Variants in UTP14A observed in about 807,000 individuals in gnomAD.
UTP14A encodes U3 small nucleolar RNA-associated protein 14 homolog A.
Under a neutral mutation model 57.2 loss-of-function variants are expected in UTP14A, and 5 were observed. The ratio of observed to expected loss-of-function variants is 0.09; its 90% CI spans 0.05 to 0.18. UTP14A has a LOEUF of 0.18. Among genes scored for constraint, UTP14A ranks in the 10% least tolerant of loss-of-function variants. The pLI, the probability that UTP14A is intolerant of heterozygous loss-of-function variation, is 1.00. For missense variants in UTP14A, 430 were observed against 562.1 expected (o/e 0.76, Z 2.38); for synonymous variants, 169 against 210.9 (o/e 0.80, Z 1.72).
intron 8 of UTP14A, 99 bp downstream of exon 8, chrX:129,919,588 G>A: frequency 1.1e-6 from 1 of 946,895 alleles, no homozygotes; most frequent in Middle Eastern, 2.7e-4. Context: ...AGCAACTAGA[G>A]TCATGCAGAT....
intron 14 of UTP14A, among the ~76,000 whole-genome samples, chrX:129,927,124 G>T (rs957080405): frequency 9.0e-6 from 1 of 111,250 alleles, no homozygotes; most frequent in Non-Finnish European, 1.9e-5. Context: ...CAGGTGATGG[G>T]TAGAGTATGG....
In UTP14A at chrX:129,911,040, C is replaced by T. The variant is rs371478707; in HGVS notation, c.271C>T (p.Leu91Phe). 5.8e-6 allele frequency: 7 copies of T among 1,211,645 alleles called. No individual in the cohort carries two copies. The highest frequency in any genetic ancestry group is 6.7e-6 in the Non-Finnish European group (6 of 895,533). Residue 91 changes from leucine to phenylalanine, a missense_variant, in exon 5 of 15, where the codon CTT becomes TTT. Leu to Phe is a conservative substitution (Grantham distance 22). Around this residue, in one of 4 missense-constraint regions of UTP14A, gnomAD observed 145 missense variants for 153.5 expected, o/e 0.94. Coordinates refer to ENST00000394422, the MANE Select transcript of UTP14A (RefSeq NM_006649.4). ...SGEKLVLADLLEPVKTSSSLA... is the reference protein window; with the variant it reads ...SGEKLVLADLFEPVKTSSSLA... ...AGAAAAGCTGGTCCTTGCAGATCTG[C>T]TTGAGCCTGTTAAAACTTCATCTTC...
chrX:129,913,935 T>C (rs1477092223), intron 6 of UTP14A, among the ~76,000 whole-genome samples: 1 of 111,302 alleles, frequency 9.0e-6, no homozygotes, highest in Non-Finnish European at 1.9e-5. Flanking sequence ...GAGCCGAGAT[T>C]GTGCCACTGC....
chrX:129,916,467 A>C (rs1434522487), intron 6 of UTP14A, among the ~76,000 whole-genome samples: 4 of 111,368 alleles, frequency 3.6e-5, no homozygotes, highest in African/African-American at 1.3e-4. Flanking sequence ...TTAGGTTGGA[A>C]ACCTCAGTCA....
In UTP14A at chrX:129,908,685, G is replaced by A; in HGVS notation, c.189G>A (p.Glu63=). ...LDGKNRRKLA[E]RSEASLKVSE... ...CTAATTTCAGGCGGAAATTGGCTGAGAGGTCTGAGGCTAGTCTGAAGGTGT... is the reference window on the plus strand; with the variant it reads ...CTAATTTCAGGCGGAAATTGGCTGAAAGGTCTGAGGCTAGTCTGAAGGTGT... Residue 63 remains glutamate, a synonymous_variant, in exon 4 of 15, where the codon GAG becomes GAA. Coordinates refer to ENST00000394422, the MANE Select transcript of UTP14A (RefSeq NM_006649.4). 5.8e-6 allele frequency: 7 copies of A among 1,211,469 alleles called. No individual in the cohort carries two copies. The highest frequency in any genetic ancestry group is 7.8e-6 in the Non-Finnish European group (7 of 895,239).
In UTP14A at chrX:129,921,663, A is replaced by G. The variant is rs1158763623; in HGVS notation, c.1348+76A>G. 4.7e-6 allele frequency: 5 copies of G among 1,068,005 alleles called. No individual in the cohort carries two copies. In the Admixed American group the frequency reaches 1.3e-4, roughly 27 times the overall value. 88.0% of individuals were successfully genotyped at this position (1,068,005 alleles called of 1,213,427 possible). A position where few individuals can be genotyped will look rare whatever the true frequency, so the allele number is the denominator to read the frequency against. On this transcript the variant is annotated intron_variant, in intron 11 of 14. Transcript: ENST00000394422. ...TATGGGAGAAAAAAAAAATGTGTCC[A>G]CCCACACACAAAACTGCATAGTGAT...
chrX:129,908,829 T>C (rs376950616), intron 4 of UTP14A, 95 bp downstream of exon 4: 2 of 840,923 alleles, frequency 2.4e-6, no homozygotes, highest in South Asian at 2.1e-5. Flanking sequence ...GTTTTTGATG[T>C]GGTTAATGAC....
At position 129,921,522 on chromosome X, in the gene UTP14A, G is replaced by A. The variant is rs1929912796; in HGVS notation, c.1283G>A (p.Arg428Gln). ...EILLREFEERRSLRKRSELSQ... is the reference protein window; with the variant it reads ...EILLREFEERQSLRKRSELSQ... ...TTGTTGAGAGAATTTGAGGAAAGGC[G>A]ATCCCTTAGAAAAAGATCTGAGCTC... The change falls in exon 11 of 15, where the codon CGA becomes CAA. Residue 428 changes from arginine (R) to glutamine (Q), a missense_variant. Physicochemically the swap from Arg to Gln is conservative, Grantham distance 43. Coordinates refer to ENST00000394422, the MANE Select transcript of UTP14A (RefSeq NM_006649.4). 1.7e-6 allele frequency: 2 copies of A among 1,211,255 alleles called. No individual in the cohort carries two copies. Among genetic ancestry groups the A allele is most frequent in the African/African-American group, 1.7e-5 (1 of 57,637 alleles).
intron 14 of UTP14A, among the ~76,000 whole-genome samples, chrX:129,927,175 G>GT (rs1345057809): frequency 1.8e-5 from 2 of 110,831 alleles, no homozygotes; most frequent in Non-Finnish European, 3.8e-5. Flanking sequence ...GGGTCTGTTT[G>GT]TTTTTTTAAT....
chrX:129,911,214 A>G (rs946663477), intron 5 of UTP14A, 64 bp downstream of exon 5: 1 of 1,126,014 alleles, frequency 8.9e-7, no homozygotes, highest in Admixed American at 2.7e-5. Context: ...AAAATAGGGT[A>G]ATAGAAAGAA....
In UTP14A at chrX:129,919,451, G is replaced by A; in HGVS notation, c.714G>A (p.Glu238=). ...CTCGGGCTCTGCAGTCCTACTATGA[G>A]GCCAAGGCTCGAAGAGAGAAGAAAA... ...QRARALQSYY[E]AKARREKKIK... The change falls in exon 8 of 15, where the codon GAG becomes GAA. Residue 238 remains glutamate, a synonymous_variant. Transcript: ENST00000394422. 1 of 1,211,990 alleles carries A rather than the reference G, an allele frequency of 8.3e-7. No individual in the cohort carries two copies.
intron 4 of UTP14A, 39 bp from the exon 5 acceptor site, chrX:129,910,969 C>T: frequency 1.7e-6 from 2 of 1,200,703 alleles, no homozygotes; most frequent in Non-Finnish European, 2.2e-6. Flanking sequence ...GATCTTGTCT[C>T]ACTTCTTGGT....
In UTP14A at chrX:129,918,485, A is replaced by G. The variant is rs144290284; in HGVS notation, c.538-690A>G. On this transcript the variant is annotated intron_variant, in intron 6 of 14. Coordinates refer to ENST00000394422, the MANE Select transcript of UTP14A (RefSeq NM_006649.4). ...TGATATGAATTTGAGATTCCTAACT[A>G]TAAAGTAATAGTTATGTGCTTCAAA... Among the ~76,000 whole-genome samples the G allele has an allele frequency of 1.7e-3, 187 of 111,413 alleles. 1 individual carries two copies. Among genetic ancestry groups the G allele is most frequent in the Admixed American group, 4.0e-3 (42 of 10,447 alleles).
At chrX:129,928,664 G>T (rs1370991926) in intron 14 of UTP14A, among the ~76,000 whole-genome samples, 1 of 110,829 alleles carries the variant, frequency 9.0e-6, no homozygotes, top group Non-Finnish European at 1.9e-5. Flanking sequence ...TGAGGCAGGA[G>T]AATGGCGTGA....
At chrX:129,908,196 T>C (rs1306347462) in intron 3 of UTP14A, 66 bp downstream of exon 3, 1 of 945,530 alleles carries the variant, frequency 1.1e-6, no homozygotes, top group South Asian at 2.3e-5. Context: ...GCAGCTAATA[T>C]TTATTGAGTG....
intron 6 of UTP14A, among the ~76,000 whole-genome samples, chrX:129,918,674 G>A (rs1929788202): frequency 9.0e-6 from 1 of 110,529 alleles, no homozygotes; most frequent in African/African-American, 3.3e-5. Context: ...TCAGGAGATC[G>A]AGACCATCCC....
intron 4 of UTP14A, among the ~76,000 whole-genome samples, chrX:129,909,445 G>A (rs1416490831): frequency 2.7e-5 from 3 of 110,725 alleles, no homozygotes; most frequent in Non-Finnish European, 5.7e-5. Flanking sequence ...TCCTGACCTC[G>A]TGATCCACCC....
At chrX:129,911,266 C>T (rs1173730304) in intron 5 of UTP14A, 116 bp downstream of exon 5, 2 of 948,400 alleles carry the variant, frequency 2.1e-6, no homozygotes, top group Non-Finnish European at 2.9e-6. Flanking sequence ...GTTGTGATTT[C>T]CCCACTATGG....
chrX:129,929,185 A>G (rs997778694), intron 14 of UTP14A, 151 bp from the exon 15 acceptor site: 14 of 703,426 alleles, frequency 2.0e-5, no homozygotes, highest in Admixed American at 3.3e-5. Flanking sequence ...GATGGGAGCA[A>G]TGGGACGCCT....
Sources: gnomAD v4.1 joint callset for allele counts (sites outside exome capture counted in the v4.1 genomes callset) on GRCh38, gnomAD v4.1.1 for gene constraint, gnomAD v4.1.1 regional missense constraint, MANE v1.5 for transcripts, NCBI Gene and HGNC (gene_info 2026-07-23, HGNC 2026-07-21) for gene names.